ACOXL: variants seen among roughly 807,000 people sequenced by gnomAD.
ACOXL encodes acyl-coenzyme A oxidase-like protein.
ACOXL carries 70 observed loss-of-function variants against 71.9 expected under a neutral mutation model. The ratio of observed to expected loss-of-function variants is 0.97; its 90% CI spans 0.80 to 1.19. The LOEUF (loss-of-function observed/expected upper bound fraction) is 1.19, where lower values mean the gene tolerates loss of function less well. Ranked by LOEUF, ACOXL falls within the 50% of genes most tolerant of loss-of-function variation. The pLI, the probability that ACOXL is intolerant of heterozygous loss-of-function variation, is 0.00. For missense variants in ACOXL, 703 were observed against 736.3 expected, an observed-to-expected ratio of 0.95 and a Z score of 0.52; for synonymous variants, 253 against 281.6, an observed-to-expected ratio of 0.90 and a Z score of 1.02.
chr2:111,047,130 TC>T (rs1341129670), intron 15 of ACOXL, among the ~76,000 whole-genome samples: 3 of 152,192 alleles, frequency 2.0e-5, no homozygotes, highest in Non-Finnish European at 4.4e-5. Context: ...AGGATGATAG[TC>T]CCACAGAAAT....
intron 16 of ACOXL, among the ~76,000 whole-genome samples, chr2:111,092,572 G>T (rs1452536701): frequency 6.6e-6 from 1 of 152,144 alleles, no homozygotes; most frequent in Non-Finnish European, 1.5e-5. Flanking sequence ...GGTTACATAT[G>T]AAATAAGGTT....
At chr2:110,868,432 T>C (rs985384666) in intron 10 of ACOXL, among the ~76,000 whole-genome samples, 2 of 152,218 alleles carry the variant, frequency 1.3e-5, no homozygotes, top group Admixed American at 6.5e-5. Context: ...CAACAGTGCA[T>C]GTGAGCAATT....
chr2:111,104,489 C>G (rs2069397674), intron 17 of ACOXL, among the ~76,000 whole-genome samples: 2 of 152,170 alleles, frequency 1.3e-5, no homozygotes, highest in African/African-American at 4.8e-5. Flanking sequence ...TTCACATCCT[C>G]ACTAGCATTG....
intron 12 of ACOXL, among the ~76,000 whole-genome samples, chr2:110,946,547 A>G (rs546207835): frequency 6.6e-6 from 1 of 152,290 alleles, no homozygotes; most frequent in East Asian, 1.9e-4. Context: ...GTCCAAACTC[A>G]TGCTCCAAAC....
At chr2:111,050,658 A>C (rs1300971145) in intron 16 of ACOXL, among the ~76,000 whole-genome samples, 5 of 152,006 alleles carry the variant, frequency 3.3e-5, no homozygotes, top group Admixed American at 3.3e-4. Flanking sequence ...CATTTGCAGG[A>C]GGTGAAGCTC....
intron 2 of ACOXL, among the ~76,000 whole-genome samples, chr2:110,769,229 A>AGAAG (rs1316113151): frequency 4.4e-5 from 4 of 91,264 alleles, no homozygotes; most frequent in African/African-American, 1.6e-4. Flanking sequence ...TCATGAAAAA[A>AGAAG]GAAAGAAAGA....
At chr2:110,792,606 A>G (rs1684782922) in intron 3 of ACOXL, among the ~76,000 whole-genome samples, 2 of 152,134 alleles carry the variant, frequency 1.3e-5, no homozygotes, top group Non-Finnish European at 1.5e-5. Flanking sequence ...CCTGGGCAAC[A>G]TAGCAAGACC....
At chr2:111,043,808 C>T (rs145847002) in intron 15 of ACOXL, among the ~76,000 whole-genome samples, 88 of 152,290 alleles carry the variant, frequency 5.8e-4, no homozygotes, top group Non-Finnish European at 1.0e-3. Flanking sequence ...AGGTGTCAGC[C>T]CCCATATTTC....
intron 12 of ACOXL, among the ~76,000 whole-genome samples, chr2:110,979,929 T>C (rs766359129): frequency 6.6e-6 from 1 of 152,206 alleles, no homozygotes; most frequent in Non-Finnish European, 1.5e-5. Context: ...TAATTTGTTT[T>C]TAATGTGAAA....
intron 10 of ACOXL, among the ~76,000 whole-genome samples, chr2:110,875,187 A>C (rs1175844157): frequency 6.6e-6 from 1 of 152,208 alleles, no homozygotes; most frequent in Non-Finnish European, 1.5e-5. Context: ...ACTTTGTTTC[A>C]CAGGGACAAA....
intron 3 of ACOXL, among the ~76,000 whole-genome samples, chr2:110,793,134 C>T (rs903679783): frequency 1.3e-5 from 2 of 152,192 alleles, no homozygotes; most frequent in African/African-American, 4.8e-5. Context: ...GTCCAAGATC[C>T]TGCAGCCGGT....
chr2:110,903,468 G>A (rs2059324559), intron 10 of ACOXL, among the ~76,000 whole-genome samples: 1 of 152,182 alleles, frequency 6.6e-6, no homozygotes, highest in Non-Finnish European at 1.5e-5. Context: ...TGCGAGCCCG[G>A]CTTTATTCTC....
chr2:110,977,213 C>A (rs529235170), intron 12 of ACOXL, among the ~76,000 whole-genome samples: 2 of 151,836 alleles, frequency 1.3e-5, no homozygotes, highest in East Asian at 3.9e-4. Flanking sequence ...GGTGAAACCC[C>A]GTCTCTACTA....
intron 12 of ACOXL, among the ~76,000 whole-genome samples, chr2:110,957,918 C>T (rs1307423395): frequency 2.6e-5 from 4 of 151,830 alleles, no homozygotes; most frequent in African/African-American, 9.7e-5. Context: ...AAAAGGCGGG[C>T]ATGGTGGCGG....
At chr2:110,746,777 G>A (rs928350449) in intron 1 of ACOXL, among the ~76,000 whole-genome samples, 3 of 152,034 alleles carry the variant, frequency 2.0e-5, no homozygotes, top group Non-Finnish European at 2.9e-5. Flanking sequence ...CTTAAATAGC[G>A]GATGCCTGCT....
chr2:111,032,453 A>G (rs373989464), intron 15 of ACOXL, among the ~76,000 whole-genome samples: 1 of 152,324 alleles, frequency 6.6e-6, no homozygotes, highest in East Asian at 1.9e-4. Flanking sequence ...ATAAAATGAA[A>G]CACTGAACAC....
At chr2:110,736,362 A>G (rs1036964989) in intron 1 of ACOXL, among the ~76,000 whole-genome samples, 1 of 152,142 alleles carries the variant, frequency 6.6e-6, no homozygotes, top group Non-Finnish European at 1.5e-5. Flanking sequence ...GAAACTCTGT[A>G]CCTGTTAGAC....
intron 17 of ACOXL, among the ~76,000 whole-genome samples, chr2:111,113,322 A>C (rs191867669): frequency 2.7e-4 from 41 of 152,336 alleles, no homozygotes; most frequent in African/African-American, 8.9e-4. Context: ...TGTTATGAGT[A>C]CTGAATAAGA....
intron 12 of ACOXL, among the ~76,000 whole-genome samples, chr2:110,984,095 G>A (rs781277419): frequency 2.7e-4 from 41 of 152,128 alleles, no homozygotes; most frequent in South Asian, 6.2e-4. Flanking sequence ...ATCCACCCAC[G>A]TTGGCCTCCC....
Sources: allele counts gnomAD v4.1 joint callset (sites outside exome capture counted in the v4.1 genomes callset), GRCh38; gene constraint gnomAD v4.1.1; transcripts MANE v1.5; gene names NCBI Gene and HGNC (gene_info 2026-07-23, HGNC 2026-07-21).